Variants in RTL9 observed in about 807,000 individuals in gnomAD.
RTL9 encodes the protein retrotransposon Gag like 9.
RTL9 carries 19 observed loss-of-function variants against 44.7 expected under a neutral mutation model. The observed-to-expected ratio is 0.42, with a 90% CI of 0.30 to 0.62. The LOEUF is 0.62. RTL9 is among the 20% of genes least tolerant of loss of function. RTL9 has a pLI of 0.16. For missense variants in RTL9, 1,105 were observed against 1,080.6 expected (o/e 1.02, Z -0.32); for synonymous variants, 407 against 398.9 (o/e 1.02, Z -0.24).
At chrX:110,409,043 C>T (rs2068622877) in intron 1 of RTL9, among the ~76,000 whole-genome samples, 1 of 111,565 alleles carries the variant, frequency 9.0e-6, no homozygotes, top group Non-Finnish European at 1.9e-5. Flanking sequence ...TCGTGAGGGC[C>T]AGGACCATGT....
intron 1 of RTL9, among the ~76,000 whole-genome samples, chrX:110,425,537 C>T (rs1226218381): frequency 8.8e-6 from 1 of 113,091 alleles, no homozygotes; most frequent in Non-Finnish European, 1.9e-5. Context: ...AGGTTCTGTG[C>T]TTCTTCTAAT....
At chrX:110,367,692 C>T (rs2068306555) in intron 1 of RTL9, among the ~76,000 whole-genome samples, 1 of 111,454 alleles carries the variant, frequency 9.0e-6, no homozygotes, top group Admixed American at 9.6e-5. Flanking sequence ...GCTTCTCCCA[C>T]AGCCTTCTTT....
intron 1 of RTL9, among the ~76,000 whole-genome samples, chrX:110,423,229 G>A (rs2068730352): frequency 9.0e-6 from 1 of 110,788 alleles, no homozygotes; most frequent in Admixed American, 9.5e-5. Context: ...TCGGGAGTCT[G>A]AGACAGGAGA....
chrX:110,450,652 A>G (rs1341846771), exon 1 of RTL9: 1 of 1,211,112 alleles, frequency 8.3e-7, no homozygotes, highest in Non-Finnish European at 1.1e-6. Flanking sequence ...CGATTCAACA[A>G]TACAATGAGG....
At chrX:110,451,662 G>C in exon 1 of RTL9, 1 of 1,211,149 alleles carries the variant, frequency 8.3e-7, no homozygotes, top group Non-Finnish European at 1.1e-6. Context: ...AATGTCCCCA[G>C]CACTAATGAC....
chrX:110,390,694 A>C (rs1391173867), intron 1 of RTL9, among the ~76,000 whole-genome samples: 1 of 112,102 alleles, frequency 8.9e-6, no homozygotes, highest in Non-Finnish European at 1.9e-5. Flanking sequence ...AGCTGTAATG[A>C]CTAAATTATC....
chrX:110,411,573 A>G (rs772732471), intron 1 of RTL9, among the ~76,000 whole-genome samples: 1 of 112,205 alleles, frequency 8.9e-6, no homozygotes, highest in African/African-American at 3.2e-5. Context: ...GAAACTGTAG[A>G]ATCTATGAAG....
At chrX:110,400,608 C>T (rs900636445) in intron 1 of RTL9, among the ~76,000 whole-genome samples, 4 of 111,323 alleles carry the variant, frequency 3.6e-5, no homozygotes, top group African/African-American at 1.3e-4. Context: ...TATGCTATTC[C>T]CTTTACTTGG....
chrX:110,420,063 G>A (rs749753577), intron 1 of RTL9, among the ~76,000 whole-genome samples: 1 of 111,505 alleles, frequency 9.0e-6, no homozygotes, highest in South Asian at 3.8e-4. Context: ...TGAACTCAAG[G>A]CAGTCTGAGT....
At chrX:110,405,320 C>T (rs1036763161) in intron 1 of RTL9, among the ~76,000 whole-genome samples, 1 of 111,516 alleles carries the variant, frequency 9.0e-6, no homozygotes, top group African/African-American at 3.3e-5. Flanking sequence ...CCAAGAGCTC[C>T]CAGAGAGGGC....
exon 1 of RTL9, chrX:110,452,466 C>A (rs368485575): frequency 8.3e-7 from 1 of 1,209,696 alleles, no homozygotes; most frequent in African/African-American, 1.8e-5. Context: ...ATTGTCCAAG[C>A]CACTAATGAC....
intron 1 of RTL9, among the ~76,000 whole-genome samples, chrX:110,365,047 G>C (rs1244434919): frequency 9.0e-6 from 1 of 111,613 alleles, no homozygotes; most frequent in Non-Finnish European, 1.9e-5. Flanking sequence ...CTTTGCAGGG[G>C]AATTGCCCTA....
chrX:110,441,428 T>C (rs2068878922), intron 1 of RTL9, among the ~76,000 whole-genome samples: 1 of 112,082 alleles, frequency 8.9e-6, no homozygotes, highest in African/African-American at 3.2e-5. Flanking sequence ...TAGTTTCCAC[T>C]TTCAGTTGTG....
chrX:110,367,515 A>T (rs771812908), intron 1 of RTL9, among the ~76,000 whole-genome samples: 1 of 110,599 alleles, frequency 9.0e-6, no homozygotes, highest in Non-Finnish European at 1.9e-5. Flanking sequence ...TTTTTCTTCC[A>T]CTTGGCTTCC....
intron 1 of RTL9, among the ~76,000 whole-genome samples, chrX:110,390,195 T>A (rs892448959): frequency 9.8e-5 from 11 of 111,803 alleles, no homozygotes; most frequent in Admixed American, 8.5e-4. Flanking sequence ...TGAATTATAT[T>A]TACTGAATTC....
chrX:110,450,066 C>T (rs181218096), upstream of RTL9, among the ~76,000 whole-genome samples: 103 of 111,614 alleles, frequency 9.2e-4, no homozygotes, highest in African/African-American at 3.2e-3. Flanking sequence ...TCTCCCTTTT[C>T]CTGAGAACAT....
chrX:110,445,554 AGTAGACCAG>A (rs2068903827), intron 2 of RTL9, among the ~76,000 whole-genome samples: 2 of 111,706 alleles, frequency 1.8e-5, no homozygotes, highest in South Asian at 7.7e-4. Context: ...AAGATCCTAA[AGTAGACCAG>A]GTATTTCTTT....
intron 1 of RTL9, among the ~76,000 whole-genome samples, chrX:110,441,780 C>A (rs773897285): frequency 4.5e-5 from 5 of 111,733 alleles, no homozygotes; most frequent in African/African-American, 6.5e-5. Flanking sequence ...ATCAGAGAGG[C>A]ACATAGGAAA....
At chrX:110,395,622 C>T (rs1448371934) in intron 1 of RTL9, among the ~76,000 whole-genome samples, 7 of 112,192 alleles carry the variant, frequency 6.2e-5, no homozygotes. Context: ...ACTTTTGAGA[C>T]AACCTTTTTT....
Sources: gnomAD v4.1 joint callset for allele counts (sites outside exome capture counted in the v4.1 genomes callset) on GRCh38, gnomAD v4.1.1 for gene constraint, MANE v1.5 for transcripts, NCBI Gene and HGNC (gene_info 2026-07-23, HGNC 2026-07-21) for gene names.